The following MXRA5 variants were observed in gnomAD, a reference collection of about 807,000 sequenced individuals.
The protein encoded by MXRA5 is matrix-remodeling-associated protein 5.
Under a neutral mutation model 112.5 loss-of-function variants are expected in MXRA5, and 41 were observed. The observed-to-expected ratio is 0.36, with a 90% CI of 0.28 to 0.47. MXRA5 has a LOEUF of 0.47. Among genes scored for constraint, MXRA5 ranks in the 20% least tolerant of loss-of-function variants. The probability of loss-of-function intolerance (pLI) is 0.99; values close to 1 mark genes in which losing one functional copy is unlikely to be tolerated. For synonymous variants in MXRA5, 862 were observed against 900.8 expected (o/e 0.96, Z 0.77); for missense variants, 2,150 against 2,251.0 (o/e 0.96, Z 0.91).
chrX:3,338,668 A>G (rs1200734607), intron 2 of MXRA5, among the ~76,000 whole-genome samples: 1 of 111,044 alleles, frequency 9.0e-6, no homozygotes, highest in African/African-American at 3.3e-5. Context: ...AGATACATCA[A>G]TAGATAATGA....
chrX:3,342,128 C>G (rs374598181), intron 2 of MXRA5, among the ~76,000 whole-genome samples: 3 of 110,592 alleles, frequency 2.7e-5, no homozygotes, highest in African/African-American at 6.6e-5. Context: ...CCTCAGCGAA[C>G]TAACAAGGGA....
At position 3,321,055 on chromosome X, in the gene MXRA5, C is replaced by G; in HGVS notation, c.4630G>C (p.Val1544Leu). 1.7e-6 allele frequency: 2 copies of G among 1,211,881 alleles called. No homozygotes were observed. The highest frequency in any genetic ancestry group is 1.1e-6 in the Non-Finnish European group (1 of 895,542). The change falls in exon 5 of 7, where the codon GTG becomes CTG. Residue 1544 changes from valine (V) to leucine (L), a missense_variant. By Grantham distance (32) the Val-to-Leu change is conservative. Transcript: ENST00000217939. ...VGNPETEATP[V>L]NNEGTQHMSG... is the part of the protein sequence containing the mutation. ...ATATGCTGTGTTCCTTCATTGTTCA[C>G]TGGGGTTGCTTCTGTTTCTGGATTC...
At chrX:3,327,954 C>T (rs750011481) in intron 4 of MXRA5, among the ~76,000 whole-genome samples, 8 of 113,071 alleles carry the variant, frequency 7.1e-5, no homozygotes, top group African/African-American at 1.6e-4. Flanking sequence ...GACATGCATG[C>T]GTATCTCCAG....
chrX:3,326,894 G>A (rs901248163), intron 4 of MXRA5, among the ~76,000 whole-genome samples: 3 of 111,634 alleles, frequency 2.7e-5, no homozygotes, highest in Non-Finnish European at 5.6e-5. Flanking sequence ...TGCTTCTCTA[G>A]TCCAAACACA....
intron 2 of MXRA5, among the ~76,000 whole-genome samples, chrX:3,341,429 A>T (rs1238657961): frequency 7.0e-5 from 1 of 14,353 alleles, no homozygotes; most frequent in Non-Finnish European, 8.7e-5. Context: ...TAATATATGT[A>T]ATATATATTA....
chrX:3,332,053 G>A (rs1921675520), intron 2 of MXRA5, among the ~76,000 whole-genome samples: 1 of 111,791 alleles, frequency 8.9e-6, no homozygotes, highest in African/African-American at 3.3e-5. Context: ...ACTCATATGT[G>A]CTCAAACCTG....
intron 4 of MXRA5, among the ~76,000 whole-genome samples, chrX:3,329,172 AGG>A: frequency 1.1e-5 from 1 of 93,355 alleles, no homozygotes; most frequent in Non-Finnish European, 2.2e-5. Flanking sequence ...GAAGGAAGGA[AGG>A]AAGGAAGGAA....
intron 1 of MXRA5, among the ~76,000 whole-genome samples, chrX:3,346,071 T>A (rs1922101901): frequency 8.9e-6 from 1 of 111,821 alleles, no homozygotes; most frequent in Non-Finnish European, 1.9e-5. Flanking sequence ...AGCCACAGCC[T>A]GAGCAACTTG....
chrX:3,316,310 T>G (rs1209979004), intron 6 of MXRA5, among the ~76,000 whole-genome samples: 10 of 49,521 alleles, frequency 2.0e-4, no homozygotes, highest in Non-Finnish European at 7.3e-5. Flanking sequence ...CGAGATTCCG[T>G]CTCAAAAATA....
intron 2 of MXRA5, 70 bp from the exon 3 acceptor site, chrX:3,330,843 C>T: frequency 1.3e-6 from 1 of 788,846 alleles, no homozygotes; most frequent in South Asian, 3.8e-5. Flanking sequence ...ACTTAACTCC[C>T]ATATGGGAAA....
intron 2 of MXRA5, among the ~76,000 whole-genome samples, chrX:3,341,054 A>AT (rs1318423020): frequency 6.8e-5 from 5 of 73,207 alleles, no homozygotes; most frequent in Non-Finnish European, 9.9e-5. Context: ...TGTATAATAT[A>AT]TATTATATAT....
At chrX:3,330,513 C>G in intron 3 of MXRA5, 105 bp from the exon 4 acceptor site, 2 of 1,115,965 alleles carry the variant, frequency 1.8e-6, no homozygotes, top group East Asian at 6.0e-5. Flanking sequence ...AGAGTAATGA[C>G]ATGAAGCTTG....
Position 3,334,052 on chromosome X carries a change from G to A in MXRA5, c.189-3279C>T, listed in dbSNP as rs184825098. Among the ~76,000 whole-genome samples the A allele has an allele frequency of 6.0e-3, 673 of 111,547 alleles. 4 individuals carry two copies. The highest frequency in any genetic ancestry group is 7.1e-3 in the Non-Finnish European group (376 of 53,058). The stretch of plus-strand genomic sequence containing the variant: ...GCCAGAGTGTGGTGGCACAATCTTG[G>A]CTCACTGCAACCTCTGTGTCCTGGG... On this transcript the variant is annotated intron_variant, in intron 2 of 6. Transcript: ENST00000217939.
At chrX:3,337,479 C>T (rs1921808379) in intron 2 of MXRA5, among the ~76,000 whole-genome samples, 1 of 111,638 alleles carries the variant, frequency 9.0e-6, no homozygotes, top group Admixed American at 9.6e-5. Context: ...CTGTCTGTAT[C>T]TATCTATCTA....
intron 6 of MXRA5, among the ~76,000 whole-genome samples, chrX:3,316,236 C>T (rs1337625443): frequency 6.5e-5 from 1 of 15,387 alleles, no homozygotes; most frequent in Non-Finnish European, 1.1e-4. Context: ...ATGGCGTGAA[C>T]CCGGGAGGCG....
Position 3,311,398 on chromosome X carries a change from C to G in MXRA5, c.6805G>C (p.Gly2269Arg), listed in dbSNP as rs1327591430. 6.6e-6 allele frequency: 8 copies of G among 1,211,938 alleles called. No individual in the cohort carries two copies. The highest frequency in any genetic ancestry group is 8.9e-6 in the Non-Finnish European group (8 of 895,576). Residue 2269 changes from glycine to arginine, a missense_variant, in exon 7 of 7, where the codon GGG becomes CGG. Physicochemically the swap from Gly to Arg is moderately radical, Grantham distance 125. Coordinates refer to ENST00000217939, the MANE Select transcript of MXRA5 (RefSeq NM_015419.4). ...CAGGAGATCTCGGGATTGGGAAGCC[C>G]GGTGGCCACACAGTCCACTTTCAGG... ...GDLKVDCVATGLPNPEISWSL... is the reference protein window; with the variant it reads ...GDLKVDCVATRLPNPEISWSL...
intron 6 of MXRA5, among the ~76,000 whole-genome samples, chrX:3,316,556 T>C (rs1280353474): frequency 0.035 from 2 of 57 alleles, no homozygotes; most frequent in Non-Finnish European, 0.11. Context: ...TAGTCCCAGC[T>C]ACTTCAGGAG....
intron 6 of MXRA5, among the ~76,000 whole-genome samples, chrX:3,315,020 A>G (rs1306565257): frequency 3.6e-5 from 4 of 110,572 alleles, no homozygotes; most frequent in South Asian, 3.9e-4. Flanking sequence ...ATAGATAGGT[A>G]AATGGATAGG....
At chrX:3,327,839 C>T (rs1015963587) in intron 4 of MXRA5, among the ~76,000 whole-genome samples, 9 of 112,906 alleles carry the variant, frequency 8.0e-5, no homozygotes, top group Admixed American at 4.7e-4. Context: ...TAAAACTAAC[C>T]TTAATACTTT....
Sources: allele counts gnomAD v4.1 joint callset (sites outside exome capture counted in the v4.1 genomes callset), GRCh38; gene constraint gnomAD v4.1.1; transcripts MANE v1.5; gene names NCBI Gene and HGNC (gene_info 2026-07-23, HGNC 2026-07-21).